Variants in CYSTM1 observed in about 807,000 individuals in gnomAD.
The protein encoded by CYSTM1 is cysteine-rich transmembrane module-containing protein 1.
In CYSTM1, 4 loss-of-function variants were observed where a neutral mutation model predicts 13.1. That is an observed-to-expected ratio of 0.31 (90% CI 0.15 to 0.70). The LOEUF is 0.70. Ranked by LOEUF, CYSTM1 falls within the 30% of genes least tolerant of loss-of-function variation. The pLI is 0.72. For synonymous variants in CYSTM1, 36 were observed against 42.7 expected (o/e 0.84, Z 0.62); for missense variants, 96 against 121.6 (o/e 0.79, Z 0.99).
At chr5:140,223,956 G>A (rs1466943254) in intron 2 of CYSTM1, among the ~76,000 whole-genome samples, 1 of 152,204 alleles carries the variant, frequency 6.6e-6, no homozygotes, top group Non-Finnish European at 1.5e-5. Flanking sequence ...GGCTGAGGGA[G>A]CTGAGAGGCT....
At chr5:140,176,940 G>A (rs1248810649) in intron 1 of CYSTM1, among the ~76,000 whole-genome samples, 3 of 151,910 alleles carry the variant, frequency 2.0e-5, no homozygotes, top group Admixed American at 6.6e-5. Context: ...GTGGTGGCGG[G>A]CGCCTGTAAT....
intron 2 of CYSTM1, among the ~76,000 whole-genome samples, chr5:140,209,077 T>C (rs1015460868): frequency 6.6e-6 from 1 of 151,832 alleles, no homozygotes; most frequent in Admixed American, 6.6e-5. Context: ...CTCTACTATC[T>C]GAAAGGTCCA....
intron 1 of CYSTM1, among the ~76,000 whole-genome samples, chr5:140,179,669 C>T (rs1581056610): frequency 6.7e-6 from 1 of 149,428 alleles, no homozygotes; most frequent in Non-Finnish European, 1.5e-5. Context: ...TCTTTCTTTT[C>T]TTTTCTTTTG....
At chr5:140,198,487 CA>C (rs770843385) in intron 2 of CYSTM1, among the ~76,000 whole-genome samples, 4 of 152,218 alleles carry the variant, frequency 2.6e-5, no homozygotes, top group Non-Finnish European at 4.4e-5. Context: ...CATAGTCTGT[CA>C]TCATTAGGTG....
At chr5:140,205,086 T>G (rs1054679812) in intron 2 of CYSTM1, among the ~76,000 whole-genome samples, 1 of 152,188 alleles carries the variant, frequency 6.6e-6, no homozygotes, top group Admixed American at 6.5e-5. Context: ...TGAACCAGAT[T>G]TCTAAGCCTG....
At chr5:140,237,386 A>G (rs1764695034) in intron 2 of CYSTM1, among the ~76,000 whole-genome samples, 1 of 152,218 alleles carries the variant, frequency 6.6e-6, no homozygotes, top group Non-Finnish European at 1.5e-5. Context: ...GGCGAGCCTG[A>G]TCTTGTGCAG....
At chr5:140,224,903 C>G (rs1764530724) in intron 2 of CYSTM1, among the ~76,000 whole-genome samples, 1 of 152,090 alleles carries the variant, frequency 6.6e-6, no homozygotes, top group Non-Finnish European at 1.5e-5. Flanking sequence ...GGTGTCATAC[C>G]AGGCACAGTG....
At chr5:140,236,289 T>C (rs566138347) in intron 2 of CYSTM1, among the ~76,000 whole-genome samples, 12 of 152,318 alleles carry the variant, frequency 7.9e-5, no homozygotes, top group African/African-American at 2.6e-4. Context: ...CACAGTTACC[T>C]TGTGGCATTT....
At chr5:140,236,087 C>T (rs1283190735) in intron 2 of CYSTM1, among the ~76,000 whole-genome samples, 1 of 152,202 alleles carries the variant, frequency 6.6e-6, no homozygotes, top group Non-Finnish European at 1.5e-5. Flanking sequence ...GACATTGCCC[C>T]CATAAACTAT....
chr5:140,213,343 G>A (rs920121267), intron 2 of CYSTM1, among the ~76,000 whole-genome samples: 3 of 152,062 alleles, frequency 2.0e-5, no homozygotes, highest in African/African-American at 7.2e-5. Context: ...GTTTTGTTTA[G>A]CTGTATAATA....
chr5:140,228,650 T>G (rs1764587585), intron 2 of CYSTM1: 1 of 397,914 alleles, frequency 2.5e-6, no homozygotes, highest in Admixed American at 4.4e-5. Flanking sequence ...GTGTGGTAAG[T>G]TCTACCAGCA....
chr5:140,212,676 A>G (rs543974332), intron 2 of CYSTM1, among the ~76,000 whole-genome samples: 5 of 152,226 alleles, frequency 3.3e-5, no homozygotes, highest in South Asian at 4.1e-4. Flanking sequence ...TAGTAAATAT[A>G]TAAACTAAGG....
intron 2 of CYSTM1, 25 bp downstream of exon 2, chr5:140,194,677 G>T (rs1297342614): frequency 6.3e-7 from 1 of 1,586,176 alleles, no homozygotes; most frequent in Non-Finnish European, 8.5e-7. Flanking sequence ...ATATGTGGGT[G>T]TGCAGTCCCG....
intron 2 of CYSTM1, among the ~76,000 whole-genome samples, chr5:140,209,269 CT>C (rs70988736): frequency 0.23 from 31,718 of 137,162 alleles, 3,291 homozygotes; most frequent in African/African-American, 0.26. Flanking sequence ...TCTTTCTTTT[CT>C]TTTTTTTTTT....
chr5:140,204,316 T>C (rs1764270702), intron 2 of CYSTM1, among the ~76,000 whole-genome samples: 1 of 152,024 alleles, frequency 6.6e-6, no homozygotes, highest in African/African-American at 2.4e-5. Context: ...CAGGCTACAG[T>C]GAACTAGGAT....
chr5:140,180,978 C>T (rs1344242622), intron 1 of CYSTM1, among the ~76,000 whole-genome samples: 6 of 152,126 alleles, frequency 3.9e-5, no homozygotes, highest in Admixed American at 3.3e-4. Flanking sequence ...AGCATTGGCT[C>T]AGAAAACATC....
chr5:140,243,272 C>G (rs1764773940), intron 2 of CYSTM1, 33 bp from the exon 3 acceptor site: 1 of 1,591,234 alleles, frequency 6.3e-7, no homozygotes, highest in African/African-American at 1.3e-5. Flanking sequence ...TTGCACCAGT[C>G]CATTCTCACC....
chr5:140,196,256 C>A (rs1190465106), intron 2 of CYSTM1, among the ~76,000 whole-genome samples: 1 of 152,120 alleles, frequency 6.6e-6, no homozygotes, highest in African/African-American at 2.4e-5. Context: ...AAATCTGTAC[C>A]TATAATTTAT....
chr5:140,226,541 TTAA>T (rs1407286690), intron 2 of CYSTM1, among the ~76,000 whole-genome samples: 22 of 112,962 alleles, frequency 1.9e-4, no homozygotes, highest in Admixed American at 1.6e-3. Flanking sequence ...TTTATATATA[TTAA>T]TAATATAATA....
Sources: gnomAD v4.1 joint callset for allele counts (sites outside exome capture counted in the v4.1 genomes callset) on GRCh38, gnomAD v4.1.1 for gene constraint, MANE v1.5 for transcripts, NCBI Gene and HGNC (gene_info 2026-07-23, HGNC 2026-07-21) for gene names.